CELF2: variants seen among roughly 807,000 people sequenced by gnomAD.
CELF2 encodes the protein CUGBP Elav-like family member 2.
A neutral mutation model predicts 62.6 loss-of-function variants in CELF2; 8 were observed. The observed-to-expected ratio is 0.13, with a 90% CI of 0.07 to 0.23. The LOEUF is 0.23. CELF2 is among the 10% of genes least tolerant of loss of function. The pLI is 1.00. For synonymous variants in CELF2, 258 were observed against 250.0 expected (o/e 1.03, Z -0.30); for missense variants, 333 against 671.0 (o/e 0.50, Z 5.56).
intron 2 of CELF2, chr10:10,966,608 A>C (rs1289429125): frequency 2.0e-5 from 3 of 152,226 alleles, no homozygotes; most frequent in Middle Eastern, 3.2e-3. Context: ...TGGGACACAC[A>C]TTCTCCTTCC....
chr10:11,273,968 A>ACCCCCCCCCCCCCCCCCCCCCCCCC (rs10612614), intron 7 of CELF2, among the ~76,000 whole-genome samples: 1 of 96,470 alleles, frequency 1.0e-5, no homozygotes, highest in Non-Finnish European at 2.1e-5. Context: ...AGTGATCCCC[A>ACCCCCCCCCCCCCCCCCCCCCCCCC]CCCCCCCCCC....
At chr10:10,616,110 G>T in the CELF2 span, among the ~76,000 whole-genome samples, 5 of 152,034 alleles carry the variant, frequency 3.3e-5, no homozygotes, top group Non-Finnish European at 7.3e-5. Flanking sequence ...CTGATGTATT[G>T]GCTGGTTGAT....
At chr10:10,677,707 G>A in the CELF2 span, among the ~76,000 whole-genome samples, 1 of 152,202 alleles carries the variant, frequency 6.6e-6, no homozygotes, top group Admixed American at 6.5e-5. Flanking sequence ...TCTTTGCTTG[G>A]AAGCAGCCTC....
rs534212564 is a variant in CELF2, at chr10:11,009,079, C to A, written c.53+3639C>A. Among the ~76,000 whole-genome samples, 106 of 137,616 alleles carry A rather than the reference C, an allele frequency of 7.7e-4. 1 individual carries two copies. Among genetic ancestry groups the A allele is most frequent in the South Asian group, 4.7e-3 (19 of 4,060 alleles). 90.3% of individuals were successfully genotyped at this position (137,616 alleles called of 152,430 possible). On this transcript the variant is annotated intron_variant, in intron 1 of 12. Transcript: ENST00000416382. The stretch of plus-strand genomic sequence containing the variant: ...TCTAATTGTTCCTGGATATGGGATT[C>A]TTTTTCTGAACTAACAGTGACTTTT...
At chr10:10,760,008 G>T in the CELF2 span, among the ~76,000 whole-genome samples, 1 of 152,142 alleles carries the variant, frequency 6.6e-6, no homozygotes, top group East Asian at 1.9e-4. Flanking sequence ...CAGTTCAAGT[G>T]ATTCTCCTGC....
At chr10:10,754,536 C>G in the CELF2 span, among the ~76,000 whole-genome samples, 1 of 152,262 alleles carries the variant, frequency 6.6e-6, no homozygotes, top group Admixed American at 6.5e-5. Context: ...GAAGCATGAT[C>G]AGGAAGAAGT....
At chr10:10,777,581 C>A in the CELF2 span, among the ~76,000 whole-genome samples, 1 of 152,172 alleles carries the variant, frequency 6.6e-6, no homozygotes, top group South Asian at 2.1e-4. Context: ...CCTTTCTCCT[C>A]TGCTGCCTGG....
chr10:10,501,775 TAATGA>T, the CELF2 span, among the ~76,000 whole-genome samples: 1 of 152,196 alleles, frequency 6.6e-6, no homozygotes, highest in Non-Finnish European at 1.5e-5. Flanking sequence ...TTACTTTACT[TAATGA>T]ACTGGCTAGA....
chr10:10,689,995 G>T, the CELF2 span, among the ~76,000 whole-genome samples: 2 of 152,204 alleles, frequency 1.3e-5, no homozygotes, highest in Admixed American at 1.3e-4. Flanking sequence ...GAATATACAA[G>T]ATTGAGAATG....
intron 1 of CELF2, among the ~76,000 whole-genome samples, chr10:11,073,024 ATAC>A (rs575568297): frequency 2.1e-4 from 32 of 152,216 alleles, no homozygotes; most frequent in African/African-American, 6.7e-4. Context: ...ATTGTACAAC[ATAC>A]TACTAATACA....
chr10:11,230,537 C>T lies in CELF2; in HGVS notation c.354+13030C>T, dbSNP rs372520749. On this transcript the variant is annotated intron_variant, in intron 3 of 12. Coordinates refer to ENST00000633077, the MANE Select transcript of CELF2 (RefSeq NM_001326342.2). ...ATCCTCTGGAGAGGCTGCCACCCTC[C>T]CTGTTTCCTTCCAGACATTCTGAAG... is the stretch of plus-strand genomic sequence containing the variant. Among the ~76,000 whole-genome samples the T allele has an allele frequency of 1.1e-3, 163 of 152,318 alleles. 1 individual carries two copies. Among genetic ancestry groups the T allele is most frequent in the Middle Eastern group, 3.4e-3 (1 of 294 alleles).
chr10:11,122,956 G>C (rs1025637669), intron 1 of CELF2, among the ~76,000 whole-genome samples: 2 of 152,210 alleles, frequency 1.3e-5, no homozygotes, highest in African/African-American at 4.8e-5. Flanking sequence ...TCTCTCCGAA[G>C]GGCTAGTCAT....
At position 10,957,993 on chromosome 10, in the gene CELF2, G is replaced by C. The variant is rs1215343221; in HGVS notation, c.89+37994G>C. Among the ~76,000 whole-genome samples, 1 of 152,198 alleles carries C rather than the reference G, an allele frequency of 6.6e-6. No individual in the cohort carries two copies. The highest frequency in any genetic ancestry group is 1.5e-5 in the Non-Finnish European group (1 of 68,034). ...GGAATGTATATGAAATCTTCACCAG[G>C]TGGAGGGTGAAGTAAGCAAATTAAA... On this transcript the variant is annotated intron_variant, in intron 2 of 13. Transcript: ENST00000636488. This position sits in a 1 kb window ranked among gnomAD's most constrained non-coding sequence, Gnocchi z 4.1.
At position 11,316,961 on chromosome 10, in the gene CELF2, G is replaced by C. The variant is rs961601192; in HGVS notation, c.1096+2703G>C. ...GGAACACATGTGATTGACCATCAGA[G>C]TGTTCACCTCTGGATTTTTTCAGGG... On this transcript the variant is annotated intron_variant, in intron 10 of 12. Coordinates refer to ENST00000633077, the MANE Select transcript of CELF2 (RefSeq NM_001326342.2). This position sits in a 1 kb window ranked among gnomAD's most constrained non-coding sequence, Gnocchi z 4.4. 2 of 152,152 alleles carry C rather than the reference G, an allele frequency of 1.3e-5. No individual in the cohort carries two copies. The highest frequency in any genetic ancestry group is 2.4e-5 in the African/African-American group (1 of 41,418). 9.4% of individuals were successfully genotyped at this position (152,152 alleles called of 1,614,324 possible).
intron 2 of CELF2, among the ~76,000 whole-genome samples, chr10:10,942,034 ACAT>A (rs1408905484): frequency 6.6e-6 from 1 of 151,946 alleles, no homozygotes; most frequent in Non-Finnish European, 1.5e-5. Flanking sequence ...AATCTTCATA[ACAT>A]CATGTTTGTT....
At chr10:10,747,138 T>A in the CELF2 span, among the ~76,000 whole-genome samples, 1 of 152,200 alleles carries the variant, frequency 6.6e-6, no homozygotes, top group Non-Finnish European at 1.5e-5. Context: ...CCTGATGTTG[T>A]CTAGGTAAGA....
intron 1 of CELF2, among the ~76,000 whole-genome samples, chr10:10,914,956 G>C (rs1017993663): frequency 1.3e-5 from 2 of 151,634 alleles, no homozygotes; most frequent in Non-Finnish European, 2.9e-5. Context: ...TGGTGAAACC[G>C]CATCTCTACT....
intron 2 of CELF2, among the ~76,000 whole-genome samples, chr10:10,924,712 G>A (rs935095770): frequency 1.6e-5 from 2 of 128,562 alleles, no homozygotes; most frequent in African/African-American, 5.9e-5. Flanking sequence ...TATTAATCCA[G>A]TAACTTGATC....
chr10:10,569,801 G>C, the CELF2 span, among the ~76,000 whole-genome samples: 1 of 152,160 alleles, frequency 6.6e-6, no homozygotes, highest in African/African-American at 2.4e-5. Context: ...GAGCTATGCT[G>C]TCTTAGACTG....
Sources: gnomAD v4.1 joint callset for allele counts (sites outside exome capture counted in the v4.1 genomes callset) on GRCh38, gnomAD v4.1.1 for gene constraint, Gnocchi (gnomAD v3.1) non-coding constraint, MANE v1.5 for transcripts, NCBI Gene and HGNC (gene_info 2026-07-23, HGNC 2026-07-21) for gene names.